Variants in KCNQ1 observed in about 807,000 individuals in gnomAD.
The protein encoded by KCNQ1 is potassium voltage-gated channel subfamily KQT member 1.
In KCNQ1, 49 loss-of-function variants were observed where a neutral mutation model predicts 72.4. That is an observed-to-expected ratio of 0.68 (90% confidence interval 0.54 to 0.86). The LOEUF is 0.86. Ranked by LOEUF, KCNQ1 falls within the 40% of genes least tolerant of loss-of-function variation. The probability of loss-of-function intolerance (pLI) is 0.00; values close to 1 mark genes in which losing one functional copy is unlikely to be tolerated. For missense variants in KCNQ1, 790 were observed against 945.1 expected (o/e 0.84, Z 2.15); for synonymous variants, 450 against 412.6 (o/e 1.09, Z -1.10).
chr11:2,508,326 A>G lies in KCNQ1; in HGVS notation c.387-19602A>G, dbSNP rs915639567. Among the ~76,000 whole-genome samples, 2 of 152,158 alleles carry G rather than the reference A, an allele frequency of 1.3e-5. No individual in the cohort carries two copies. The highest frequency in any genetic ancestry group is 4.8e-5 in the African/African-American group (2 of 41,438). ...CGGAGATATGTCTTGGAAAGACTTT[A>G]GGCCAGGAGCCCATCATTGTCCTGG... is the stretch of plus-strand genomic sequence containing the variant. On this transcript the variant is annotated intron_variant, in intron 1 of 15. Coordinates refer to ENST00000155840, the MANE Select transcript of KCNQ1 (RefSeq NM_000218.3). The surrounding 1 kb of genome is among the most constrained non-coding windows in gnomAD (Gnocchi z 6.2).
At position 2,833,364 on chromosome 11, in the gene KCNQ1, C is replaced by A. The variant is rs11828450; in HGVS notation, c.1795-14403C>A. On this transcript the variant is annotated intron_variant, in intron 15 of 15. Coordinates refer to ENST00000155840, the MANE Select transcript of KCNQ1 (RefSeq NM_000218.3). ...CCCCCCACCTGCCCACATGCCCCACCCCTCTCCAAGCTTCTCCCCTCATAG... is the reference window on the plus strand; with the variant it reads ...CCCCCCACCTGCCCACATGCCCCACACCTCTCCAAGCTTCTCCCCTCATAG... Among the ~76,000 whole-genome samples, 845 of 152,316 alleles carry A rather than the reference C, an allele frequency of 5.5e-3. 9 individuals are homozygous for A. Among genetic ancestry groups the A allele is most frequent in the African/African-American group, 0.019 (803 of 41,574 alleles).
intron 1 of KCNQ1, among the ~76,000 whole-genome samples, chr11:2,465,064 G>A (rs1161695236): frequency 6.6e-6 from 1 of 152,204 alleles, no homozygotes; most frequent in Non-Finnish European, 1.5e-5. Context: ...TCCTTCAGGG[G>A]CTGTTAGCCA....
At chr11:2,798,698 T>C (rs926241914) in intron 15 of KCNQ1, among the ~76,000 whole-genome samples, 1 of 152,246 alleles carries the variant, frequency 6.6e-6, no homozygotes, top group Non-Finnish European at 1.5e-5. Context: ...TGGAAATTAA[T>C]TACCCTTGCA....
rs1242828903 is a variant in KCNQ1, at chr11:2,745,349, G to A, written c.1515-23495G>A. ...CCATCTTTTCCTGAAAGGGCTGGTG[G>A]GGTCTTGCTTCCATTATTCCTGGAT... On this transcript the variant is annotated intron_variant, in intron 11 of 15. Transcript: ENST00000155840. The surrounding 1 kb of genome is among the most constrained non-coding windows in gnomAD (Gnocchi z 6.2). 6.6e-6 allele frequency among the ~76,000 whole-genome samples: 1 copy of A among 152,096 alleles called. No homozygotes were observed. The highest frequency in any genetic ancestry group is 1.5e-5 in the Non-Finnish European group (1 of 68,026).
At chr11:2,551,214 G>T (rs1306802139) in intron 2 of KCNQ1, among the ~76,000 whole-genome samples, 1 of 152,128 alleles carries the variant, frequency 6.6e-6, no homozygotes, top group Non-Finnish European at 1.5e-5. Flanking sequence ...CACCCCCAAA[G>T]TCAAGATCCA....
At position 2,484,067 on chromosome 11, in the gene KCNQ1, GGTTAT is replaced by G. The variant is rs1334458957; in HGVS notation, c.386+38586_386+38590del. Among the ~76,000 whole-genome samples, 4 of 152,086 alleles carry G rather than the reference GGTTAT, an allele frequency of 2.6e-5. No individual in the cohort carries two copies. Among genetic ancestry groups the G allele is most frequent in the African/African-American group, 9.7e-5 (4 of 41,398 alleles). Reference sequence around the variant, plus strand: ...CAGGAAGAGCTGTCCCCTTTGTTCTGGTTATGTATCCAGTGGCTTATGTATATCAG... The same window carrying G: ...CAGGAAGAGCTGTCCCCTTTGTTCTGGTATCCAGTGGCTTATGTATATCAG... On this transcript the variant is annotated intron_variant, in intron 1 of 15. Coordinates refer to ENST00000155840, the MANE Select transcript of KCNQ1 (RefSeq NM_000218.3). The surrounding 1 kb of genome is among the most constrained non-coding windows in gnomAD (Gnocchi z 5.2).
chr11:2,708,520 G>A (rs1265844593), intron 11 of KCNQ1, among the ~76,000 whole-genome samples: 1 of 152,198 alleles, frequency 6.6e-6, no homozygotes, highest in Non-Finnish European at 1.5e-5. Flanking sequence ...GGCCAGGCAG[G>A]CAGCAAAGGG....
rs1846827334 is a variant in KCNQ1, at chr11:2,781,808, G to A, written c.1794+3771G>A. The stretch of plus-strand genomic sequence containing the variant: ...CCGGAAATGTTCATGGCTGAGAGCC[G>A]GACACAGGGGAGTCCTGGGTTTCCA... On this transcript the variant is annotated intron_variant, in intron 15 of 15. Transcript: ENST00000155840. The surrounding 1 kb of genome is among the most constrained non-coding windows in gnomAD (Gnocchi z 6.6). Among the ~76,000 whole-genome samples, 2 of 152,174 alleles carry A rather than the reference G, an allele frequency of 1.3e-5. No homozygotes were observed. Among genetic ancestry groups the A allele is most frequent in the African/African-American group, 4.8e-5 (2 of 41,428 alleles).
At chr11:2,643,595 A>T in intron 10 of KCNQ1, 1 of 398,486 alleles carries the variant, frequency 2.5e-6, no homozygotes, top group Middle Eastern at 6.3e-4. Context: ...CATGTTTTTA[A>T]GTCCATTCAG....
rs1257589129 is a variant in KCNQ1 at position 2,744,585 on chromosome 11, C to T, written c.1515-24259C>T. Among the ~76,000 whole-genome samples the T allele has an allele frequency of 2.0e-5, 3 of 152,132 alleles. No homozygotes were observed. The East Asian group carries it at 5.8e-4, about 29-fold the overall frequency. ...CCTGGGCCCCATGCCATGCCAGGTA[C>T]CTTACTAGGCCCTGGGGATAAAAAA... On this transcript the variant is annotated intron_variant, in intron 11 of 15. Coordinates refer to ENST00000155840, the MANE Select transcript of KCNQ1 (RefSeq NM_000218.3).
intron 1 of KCNQ1, among the ~76,000 whole-genome samples, chr11:2,527,203 G>T (rs976748557): frequency 7.2e-5 from 11 of 152,172 alleles, no homozygotes; most frequent in African/African-American, 2.7e-4. Flanking sequence ...GCTCGGCCTC[G>T]GGGCCTTGGA....
At chr11:2,777,921 G>A in intron 14 of KCNQ1, 55 bp from the exon 15 acceptor site, 1 of 1,562,204 alleles carries the variant, frequency 6.4e-7, no homozygotes. Flanking sequence ...GCCCAGCTGG[G>A]GTCCCCGGCC....
rs1465692191 is a variant in KCNQ1, at chr11:2,497,279, C to T, written c.387-30649C>T. Among the ~76,000 whole-genome samples, 3 of 152,138 alleles carry T rather than the reference C, an allele frequency of 2.0e-5. No homozygotes were observed. The highest frequency in any genetic ancestry group is 4.4e-5 in the Non-Finnish European group (3 of 68,034). ...GTGTGTTTTCCAACTTGGTTCCATTCTCCCCGTCACTTTCAGGTACAGCAA... is the reference window on the plus strand; with the variant it reads ...GTGTGTTTTCCAACTTGGTTCCATTTTCCCCGTCACTTTCAGGTACAGCAA... On this transcript the variant is annotated intron_variant, in intron 1 of 15. Coordinates refer to ENST00000155840, the MANE Select transcript of KCNQ1 (RefSeq NM_000218.3). The surrounding 1 kb of genome is among the most constrained non-coding windows in gnomAD (Gnocchi z 4.5).
intron 10 of KCNQ1, among the ~76,000 whole-genome samples, chr11:2,604,959 C>T (rs1014155070): frequency 6.6e-6 from 1 of 152,180 alleles, no homozygotes; most frequent in Non-Finnish European, 1.5e-5. Flanking sequence ...CCAACACTTG[C>T]TATTATCTTT....
rs767976684 is a variant in KCNQ1 at position 2,651,154 on chromosome 11, C to T, written c.1394-10807C>T. 2.5e-6 allele frequency: 1 copy of T among 398,690 alleles called. No individual in the cohort carries two copies. The highest frequency in any genetic ancestry group is 4.4e-6 in the Non-Finnish European group (1 of 226,122). 24.7% of individuals were successfully genotyped at this position (398,690 alleles called of 1,614,324 possible). ...AGCTCAAGGGAGTTCTTTAAATGTA[C>T]AGTGGATCTTGCTGCTTCCCTACTC... On this transcript the variant is annotated intron_variant, in intron 10 of 15. Coordinates refer to ENST00000155840, the MANE Select transcript of KCNQ1 (RefSeq NM_000218.3). The surrounding 1 kb of genome is among the most constrained non-coding windows in gnomAD (Gnocchi z 6.1).
chr11:2,448,095 A>G (rs1446370745), intron 1 of KCNQ1, among the ~76,000 whole-genome samples: 1 of 152,154 alleles, frequency 6.6e-6, no homozygotes, highest in Non-Finnish European at 1.5e-5. Context: ...AGCTGAGGGG[A>G]TGGGGGTCCA....
intron 15 of KCNQ1, among the ~76,000 whole-genome samples, chr11:2,789,780 A>T (rs1846982577): frequency 6.6e-6 from 1 of 152,172 alleles, no homozygotes; most frequent in Non-Finnish European, 1.5e-5. Context: ...TGGTGTGCTC[A>T]TTTCGAGGTG....
At position 2,462,663 on chromosome 11, in the gene KCNQ1, C is replaced by A. The variant is rs77409153; in HGVS notation, c.386+17179C>A. ...CCTGCTCTCTTGGTAGGGGTTGACC[C>A]TGCCTGTGACTTAGACAGCTTGGAG... On this transcript the variant is annotated intron_variant, in intron 1 of 15. Transcript: ENST00000155840. The surrounding 1 kb of genome is among the most constrained non-coding windows in gnomAD (Gnocchi z 8.2). 6.6e-6 allele frequency among the ~76,000 whole-genome samples: 1 copy of A among 151,982 alleles called. No homozygotes were observed. Among genetic ancestry groups the A allele is most frequent in the East Asian group, 1.9e-4 (1 of 5,148 alleles).
chr11:2,729,736 G>T (rs1845821504), intron 11 of KCNQ1, among the ~76,000 whole-genome samples: 1 of 152,204 alleles, frequency 6.6e-6, no homozygotes, highest in Non-Finnish European at 1.5e-5. Context: ...TTCGTATCGG[G>T]GGCTTGAGTA....
Sources: gnomAD v4.1 joint callset for allele counts (sites outside exome capture counted in the v4.1 genomes callset) on GRCh38, gnomAD v4.1.1 for gene constraint, Gnocchi (gnomAD v3.1) non-coding constraint, MANE v1.5 for transcripts, NCBI Gene and HGNC (gene_info 2026-07-23, HGNC 2026-07-21) for gene names.